Variants in KCNQ5 observed in about 807,000 individuals in gnomAD.
KCNQ5 encodes potassium voltage-gated channel subfamily Q member 5, also known as potassium voltage-gated channel subfamily KQT member 5.
KCNQ5 carries 30 observed loss-of-function variants against 98.2 expected under a neutral mutation model. That is an observed-to-expected ratio of 0.31 (90% CI 0.23 to 0.41). The LOEUF is 0.41. KCNQ5 is among the 10% of genes least tolerant of loss of function. The pLI is 1.00. For synonymous variants in KCNQ5, 458 were observed against 449.4 expected, an observed-to-expected ratio of 1.02 and a Z score of -0.24; for missense variants, 835 against 1,182.5, an observed-to-expected ratio of 0.71 and a Z score of 4.31.
At chr6:72,638,233 G>T (rs1253707445) in intron 1 of KCNQ5, among the ~76,000 whole-genome samples, 1 of 152,144 alleles carries the variant, frequency 6.6e-6, no homozygotes, top group Non-Finnish European at 1.5e-5. Flanking sequence ...AATGGCTCCA[G>T]TTATTCCTCT....
intron 1 of KCNQ5, among the ~76,000 whole-genome samples, chr6:72,892,554 TATG>T (rs1339468565): frequency 2.0e-5 from 3 of 152,182 alleles, no homozygotes; most frequent in Admixed American, 2.0e-4. Flanking sequence ...CCTAATGTGC[TATG>T]ACAGGAGGAT....
At chr6:73,088,004 T>C (rs1774059833) in intron 5 of KCNQ5, among the ~76,000 whole-genome samples, 2 of 141,504 alleles carry the variant, frequency 1.4e-5, no homozygotes, top group African/African-American at 5.0e-5. Flanking sequence ...GTCCTTGTTT[T>C]CTTTTTCTCT....
intron 1 of KCNQ5, among the ~76,000 whole-genome samples, chr6:72,761,827 A>G (rs551777435): frequency 3.9e-5 from 6 of 152,200 alleles, no homozygotes; most frequent in Non-Finnish European, 8.8e-5. Flanking sequence ...TCATGGAGTC[A>G]TATTTTAGGA....
intron 1 of KCNQ5, among the ~76,000 whole-genome samples, chr6:72,777,787 T>C (rs1031223807): frequency 1.3e-5 from 2 of 152,186 alleles, no homozygotes; most frequent in Non-Finnish European, 2.9e-5. Context: ...AAATTTCAGG[T>C]ATACCCCATA....
intron 1 of KCNQ5, among the ~76,000 whole-genome samples, chr6:72,646,715 A>T (rs1292048582): frequency 6.6e-6 from 1 of 152,196 alleles, no homozygotes; most frequent in Non-Finnish European, 1.5e-5. Context: ...GTTTAATGTC[A>T]TTTGCCCATA....
intron 2 of KCNQ5, among the ~76,000 whole-genome samples, chr6:73,018,326 G>A (rs1406705818): frequency 1.3e-5 from 2 of 152,104 alleles, no homozygotes; most frequent in Non-Finnish European, 2.9e-5. Context: ...GCCAGGCAGG[G>A]ATGCGCATAC....
At chr6:72,962,218 C>CACACATATACATATATAT (rs1554191176) in intron 1 of KCNQ5, among the ~76,000 whole-genome samples, 107 of 137,848 alleles carry the variant, frequency 7.8e-4, no homozygotes, top group Admixed American at 1.5e-3. Context: ...TATATATATA[C>CACACATATACATATATAT]ACACATATAT....
chr6:72,919,498 A>G (rs1185224782), intron 1 of KCNQ5, among the ~76,000 whole-genome samples: 7 of 152,190 alleles, frequency 4.6e-5, no homozygotes, highest in Admixed American at 4.6e-4. Flanking sequence ...TATGGGTTAG[A>G]TATAGTTATA....
rs1046364732 is a variant in KCNQ5 at position 73,190,624 on chromosome 6, A to G, written c.1629A>G (p.Pro543=). Residue 543 remains proline, a synonymous_variant, in exon 12 of 14, where the codon CCA becomes CCG. Coordinates refer to ENST00000370398, the MANE Select transcript of KCNQ5 (RefSeq NM_019842.4). ...AKRKFKETLR[P]YDVKDVIEQY... ...GGAAGTTTAAGGAAACATTACGTCC[A>G]TATGATGTAAAAGATGTCATTGAAC... 1 of 1,580,844 alleles carries G rather than the reference A, an allele frequency of 6.3e-7. No homozygotes were observed. Among genetic ancestry groups the G allele is most frequent in the East Asian group, 2.3e-5 (1 of 44,380 alleles).
chr6:73,100,382 C>A (rs890448024), intron 5 of KCNQ5, among the ~76,000 whole-genome samples: 3 of 151,924 alleles, frequency 2.0e-5, no homozygotes, highest in African/African-American at 7.2e-5. Flanking sequence ...AAAAGATTAA[C>A]AAGGCCAGGC....
intron 1 of KCNQ5, among the ~76,000 whole-genome samples, chr6:72,664,615 C>T (rs556301728): frequency 1.1e-4 from 17 of 152,124 alleles, no homozygotes; most frequent in African/African-American, 4.1e-4. Flanking sequence ...AGATCGTACC[C>T]ACTGCACTCC....
At chr6:73,055,278 TC>T in intron 3 of KCNQ5, 1 of 1,375,952 alleles carries the variant, frequency 7.3e-7, no homozygotes, top group African/African-American at 1.4e-5. Context: ...AAGAGAGCGA[TC>T]CCGACCTTCT....
chr6:73,048,132 C>G (rs1434260562), intron 3 of KCNQ5, among the ~76,000 whole-genome samples: 2 of 152,086 alleles, frequency 1.3e-5, no homozygotes, highest in Non-Finnish European at 2.9e-5. Context: ...TTTTGAAAAA[C>G]AAGATAATGT....
intron 1 of KCNQ5, among the ~76,000 whole-genome samples, chr6:72,880,967 T>C (rs1387427364): frequency 6.6e-6 from 1 of 152,124 alleles, no homozygotes; most frequent in Non-Finnish European, 1.5e-5. Context: ...TGATCCAAGA[T>C]TGATGGAGCA....
chr6:72,656,762 G>T (rs898478362), intron 1 of KCNQ5, among the ~76,000 whole-genome samples: 2 of 152,054 alleles, frequency 1.3e-5, no homozygotes, highest in Non-Finnish European at 2.9e-5. Flanking sequence ...TATGTCCACT[G>T]AGAGCATCTT....
intron 1 of KCNQ5, chr6:72,630,683 T>TGTAC (rs2098920328): frequency 6.6e-6 from 1 of 152,206 alleles, no homozygotes; most frequent in South Asian, 2.1e-4. Context: ...ATATGTATAG[T>TGTAC]ATATGTGTAC....
chr6:72,939,876 T>A (rs976005425), intron 1 of KCNQ5, among the ~76,000 whole-genome samples: 1 of 152,148 alleles, frequency 6.6e-6, no homozygotes, highest in Non-Finnish European at 1.5e-5. Flanking sequence ...TGAAGATGAG[T>A]AAAATGTAAA....
At chr6:72,876,941 C>T (rs868853759) in intron 1 of KCNQ5, among the ~76,000 whole-genome samples, 1 of 152,162 alleles carries the variant, frequency 6.6e-6, no homozygotes, top group African/African-American at 2.4e-5. Context: ...TGGGATGGGA[C>T]CTTCCTCACA....
rs7748968 is a variant in KCNQ5, at chr6:73,129,733, G to T, written c.1248-3688G>T. ...GCTTTGTTTTTATAAAAGAATCCCT[G>T]AGCACTTTCCTATTCGTGAAATGCT... is the stretch of plus-strand genomic sequence containing the variant. On this transcript the variant is annotated intron_variant, in intron 9 of 13. Transcript: ENST00000370398. The T allele has an allele frequency of 1.0e-4, 143 of 1,420,990 alleles. 1 individual carries two copies. In the East Asian group the frequency reaches 3.3e-3, roughly 33 times the overall value. 88.0% of individuals were successfully genotyped at this position (1,420,990 alleles called of 1,614,324 possible).
Sources: gnomAD v4.1 joint callset for allele counts (sites outside exome capture counted in the v4.1 genomes callset) on GRCh38, gnomAD v4.1.1 for gene constraint, MANE v1.5 for transcripts, NCBI Gene and HGNC (gene_info 2026-07-23, HGNC 2026-07-21) for gene names.